Variants in HS6ST3 observed in about 807,000 individuals in gnomAD.
HS6ST3 encodes the protein heparan sulfate 6-O-sulfotransferase 3, also known as heparan-sulfate 6-O-sulfotransferase 3.
HS6ST3 carries 12 observed loss-of-function variants against 36.7 expected under a neutral mutation model. That is an observed-to-expected ratio of 0.33 (90% CI 0.21 to 0.53). The LOEUF (loss-of-function observed/expected upper bound fraction) is 0.53, where lower values mean the gene tolerates loss of function less well. Ranked by LOEUF, HS6ST3 falls within the 20% of genes least tolerant of loss-of-function variation. The probability of loss-of-function intolerance (pLI) is 0.95; values close to 1 mark genes in which losing one functional copy is unlikely to be tolerated. For synonymous variants in HS6ST3, 240 were observed against 257.5 expected (o/e 0.93, Z 0.65); for missense variants, 584 against 640.9 (o/e 0.91, Z 0.96).
chr13:96,800,997 CA>C (rs1324575884), intron 1 of HS6ST3, among the ~76,000 whole-genome samples: 1 of 152,122 alleles, frequency 6.6e-6, no homozygotes, highest in Non-Finnish European at 1.5e-5. Context: ...ATTCTCAACC[CA>C]ATCCAATCAT....
chr13:96,104,593 T>C (rs748332590), intron 1 of HS6ST3, among the ~76,000 whole-genome samples: 2 of 152,208 alleles, frequency 1.3e-5, no homozygotes, highest in Non-Finnish European at 2.9e-5. Flanking sequence ...CCCACACCCC[T>C]AACTACTTGC....
chr13:96,400,848 G>T (rs946202208), intron 1 of HS6ST3, among the ~76,000 whole-genome samples: 1 of 152,102 alleles, frequency 6.6e-6, no homozygotes, highest in East Asian at 1.9e-4. Flanking sequence ...CAAGATTTCC[G>T]GGCGTTTTCT....
chr13:96,171,564 T>A (rs1566898931), intron 1 of HS6ST3, among the ~76,000 whole-genome samples: 1 of 152,224 alleles, frequency 6.6e-6, no homozygotes, highest in African/African-American at 2.4e-5. Flanking sequence ...TTGTAGCAAA[T>A]TATAAGTTTT....
chr13:96,452,854 TACC>T (rs780535640), intron 1 of HS6ST3, among the ~76,000 whole-genome samples: 6 of 152,208 alleles, frequency 3.9e-5, no homozygotes, highest in African/African-American at 7.2e-5. Flanking sequence ...AGGAACTTTC[TACC>T]CTACTACCTG....
At chr13:96,191,097 G>T (rs1439532848) in intron 1 of HS6ST3, among the ~76,000 whole-genome samples, 1 of 152,110 alleles carries the variant, frequency 6.6e-6, no homozygotes, top group East Asian at 1.9e-4. Context: ...TAATTAATCT[G>T]TGACTTTCTG....
intron 1 of HS6ST3, among the ~76,000 whole-genome samples, chr13:96,377,451 T>C (rs1192071456): frequency 6.6e-6 from 1 of 152,160 alleles, no homozygotes; most frequent in African/African-American, 2.4e-5. Flanking sequence ...AAAGCGAAAA[T>C]ACACACAAAC....
chr13:96,187,105 C>T (rs2054268409), intron 1 of HS6ST3, among the ~76,000 whole-genome samples: 2 of 152,214 alleles, frequency 1.3e-5, no homozygotes, highest in South Asian at 2.1e-4. Flanking sequence ...ATGTCCTCTA[C>T]TTTGGTACTG....
intron 1 of HS6ST3, among the ~76,000 whole-genome samples, chr13:96,676,402 A>C (rs574520138): frequency 9.9e-5 from 15 of 152,132 alleles, no homozygotes; most frequent in Non-Finnish European, 1.8e-4. Flanking sequence ...GAGCCACTTG[A>C]ACCAGAAGTC....
chr13:96,633,289 C>G (rs955441701), intron 1 of HS6ST3, among the ~76,000 whole-genome samples: 4 of 152,166 alleles, frequency 2.6e-5, no homozygotes, highest in Non-Finnish European at 5.9e-5. Context: ...AAATAAGTCT[C>G]AGCTTGTTTC....
intron 1 of HS6ST3, among the ~76,000 whole-genome samples, chr13:96,172,576 T>A (rs1536577): frequency 0.92 from 140,534 of 152,274 alleles, 64,982 homozygotes; most frequent in African/African-American, 0.94. Flanking sequence ...ACTTTATCAG[T>A]GTAACACTTT....
At chr13:96,597,373 G>A (rs912535837) in intron 1 of HS6ST3, among the ~76,000 whole-genome samples, 1 of 151,088 alleles carries the variant, frequency 6.6e-6, no homozygotes, top group Non-Finnish European at 1.5e-5. Context: ...AGGTCATTCT[G>A]GCTGGGTGAG....
intron 1 of HS6ST3, among the ~76,000 whole-genome samples, chr13:96,446,458 G>A (rs894500672): frequency 6.6e-5 from 10 of 152,090 alleles, no homozygotes; most frequent in Non-Finnish European, 1.0e-4. Context: ...TGCCAAGACT[G>A]GTACAGGGTA....
At chr13:96,560,072 C>G (rs188851903) in intron 1 of HS6ST3, among the ~76,000 whole-genome samples, 96 of 152,198 alleles carry the variant, frequency 6.3e-4, no homozygotes, top group African/African-American at 2.2e-3. Context: ...CTCCACAGGC[C>G]TATAGTTGGC....
chr13:96,151,361 G>A (rs894838181), intron 1 of HS6ST3, among the ~76,000 whole-genome samples: 7 of 149,998 alleles, frequency 4.7e-5, no homozygotes, highest in Middle Eastern at 3.5e-3. Context: ...CTGAGATCCC[G>A]CGACTGCACT....
intron 1 of HS6ST3, among the ~76,000 whole-genome samples, chr13:96,629,190 G>T (rs900668158): frequency 6.6e-6 from 1 of 152,076 alleles, no homozygotes; most frequent in South Asian, 2.1e-4. Context: ...AAAGACCTTA[G>T]AATGTTTTCA....
chr13:96,310,543 T>C (rs1406539393), intron 1 of HS6ST3, among the ~76,000 whole-genome samples: 1 of 152,118 alleles, frequency 6.6e-6, no homozygotes, highest in Non-Finnish European at 1.5e-5. Context: ...TCCATACAAT[T>C]AGAAAAGACG....
intron 1 of HS6ST3, among the ~76,000 whole-genome samples, chr13:96,237,513 C>G (rs553914856): frequency 1.3e-5 from 2 of 152,246 alleles, no homozygotes; most frequent in South Asian, 4.1e-4. Flanking sequence ...CATCATTCAT[C>G]TCTTCCTTAT....
At chr13:96,603,636 G>A (rs1270303477) in intron 1 of HS6ST3, among the ~76,000 whole-genome samples, 3 of 152,136 alleles carry the variant, frequency 2.0e-5, no homozygotes, top group Non-Finnish European at 4.4e-5. Context: ...AGATTCTGCT[G>A]AACAGTTTTC....
chr13:96,186,801 A>G (rs1455619491), intron 1 of HS6ST3, among the ~76,000 whole-genome samples: 1 of 152,110 alleles, frequency 6.6e-6, no homozygotes, highest in African/African-American at 2.4e-5. Context: ...TCTGTGTGTG[A>G]GTACTCATAA....
Sources: allele counts gnomAD v4.1 joint callset (sites outside exome capture counted in the v4.1 genomes callset), GRCh38; gene constraint gnomAD v4.1.1; transcripts MANE v1.5; gene names NCBI Gene and HGNC (gene_info 2026-07-23, HGNC 2026-07-21).